Variants in PSME4 observed in about 807,000 individuals in gnomAD.
PSME4 encodes the protein proteasome activator complex subunit 4.
PSME4 carries 89 observed loss-of-function variants against 253.9 expected under a neutral mutation model. The ratio of observed to expected loss-of-function variants is 0.35; its 90% confidence interval spans 0.30 to 0.42. The LOEUF is 0.42. PSME4 is among the 10% of genes least tolerant of loss of function. The pLI is 1.00. For missense variants in PSME4, 2,014 were observed against 2,195.2 expected, an observed-to-expected ratio of 0.92 and a Z score of 1.65; for synonymous variants, 851 against 759.2, an observed-to-expected ratio of 1.12 and a Z score of -1.99.
intron 41 of PSME4, among the ~76,000 whole-genome samples, chr2:53,878,741 T>G (rs1354729266): frequency 6.6e-6 from 1 of 152,200 alleles, no homozygotes; most frequent in Non-Finnish European, 1.5e-5. Context: ...CTAATAAATT[T>G]TGGTCAGACC....
Position 53,887,875 on chromosome 2 carries a change from G to C in PSME4, c.4503C>G (p.Val1501=). 6.3e-7 allele frequency: 1 copy of C among 1,599,482 alleles called. No individual in the cohort carries two copies. Among genetic ancestry groups the C allele is most frequent in the Non-Finnish European group, 8.6e-7 (1 of 1,167,090 alleles). Residue 1501 remains valine (V), a synonymous_variant, in exon 39 of 47, where the codon GTC becomes GTG. Transcript: ENST00000404125. ...EPKLTQVYKN[V]RERIGSVLTY... ...GTACCTACCTTCCTATTCTTTCTCT[G>C]ACATTTTTGTAAACCTGGGTGAGTT...
At chr2:53,906,572 G>A (rs1680668647) in intron 26 of PSME4, 26 bp downstream of exon 26, 3 of 1,511,850 alleles carry the variant, frequency 2.0e-6, no homozygotes, top group Non-Finnish European at 2.7e-6. Context: ...GAGGGCATGA[G>A]AGTGCAGCGT....
In PSME4 at chr2:53,932,695, G is replaced by C. The variant is rs774876691; in HGVS notation, c.1023C>G (p.Tyr341Ter). The C allele has an allele frequency of 2.5e-6, 4 of 1,613,642 alleles. No homozygotes were observed. Among genetic ancestry groups the C allele is most frequent in the Non-Finnish European group, 3.4e-6 (4 of 1,179,666 alleles). ...AGLFNSITSF[Y>*]HPSNNGRWLN... Reference sequence around the variant, plus strand: ...GCCAGCGCCCATTATTTGAAGGATGGTAAAAAGATGTGATGCTGTTAAACA... The same window carrying C: ...GCCAGCGCCCATTATTTGAAGGATGCTAAAAAGATGTGATGCTGTTAAACA... Residue 341 changes from tyrosine to a stop codon, truncating the protein, a stop_gained, in exon 9 of 47, where the codon TAC (tyrosine) becomes TAG (stop). Transcript: ENST00000404125. LOFTEE classifies it high-confidence loss of function.
rs550356967 is a variant in PSME4, at chr2:53,902,673, C to T, written c.3076-1114G>A. Among the ~76,000 whole-genome samples the T allele has an allele frequency of 7.2e-5, 11 of 152,306 alleles. No individual in the cohort carries two copies. In the East Asian group the frequency reaches 1.7e-3, roughly 24 times the overall value. On this transcript the variant is annotated intron_variant, in intron 27 of 46. Coordinates refer to ENST00000404125, the MANE Select transcript of PSME4 (RefSeq NM_014614.3). ...AACACTCTTGAATTATACATCTGCA[C>T]CAGGGGTCAGCAAACATTTTCCATA... is the stretch of plus-strand genomic sequence containing the variant.
intron 1 of PSME4, among the ~76,000 whole-genome samples, chr2:53,950,625 T>A (rs1242388871): frequency 1.3e-5 from 2 of 152,032 alleles, no homozygotes; most frequent in Non-Finnish European, 2.9e-5. Context: ...GTGGATTACC[T>A]GAGGTCAGGA....
rs769144794 is a variant in PSME4, at chr2:53,901,382, T to C, written c.3253A>G (p.Arg1085Gly). The part of the protein sequence containing the change: ...LFDDLAEKIH[R>G]QYETIGLDFT... The stretch of plus-strand genomic sequence containing the variant: ...TCCAAGCCAATTGTTTCATACTGCC[T>C]ATGAATCTTTTCTGCAAGATCATCA... The change falls in exon 28 of 47, where the codon AGG becomes GGG. Residue 1085 changes from arginine to glycine, a missense_variant. Arg to Gly is a moderately radical substitution (Grantham distance 125). Transcript: ENST00000404125. 1.2e-6 allele frequency: 2 copies of C among 1,614,104 alleles called. No individual in the cohort carries two copies. The highest frequency in any genetic ancestry group is 2.2e-5 in the South Asian group (2 of 91,084).
chr2:53,888,125 C>T, intron 38 of PSME4, 136 bp from the exon 39 acceptor site: 1 of 759,060 alleles, frequency 1.3e-6, no homozygotes, highest in Non-Finnish European at 1.9e-6. Context: ...ATATCCACAA[C>T]TCAAAATAGC....
intron 39 of PSME4, 77 bp downstream of exon 39, chr2:53,887,781 G>A: frequency 2.1e-6 from 3 of 1,437,168 alleles, no homozygotes; most frequent in Non-Finnish European, 2.8e-6. Context: ...TAACCAGCAT[G>A]TATTATTACC....
At chr2:53,936,738 G>A (rs1196575081) in intron 6 of PSME4, 26 bp downstream of exon 6, 7 of 1,487,800 alleles carry the variant, frequency 4.7e-6, no homozygotes, top group Non-Finnish European at 5.4e-6. Context: ...CTATAGGGGG[G>A]AAGAAAGGGA....
intron 1 of PSME4, among the ~76,000 whole-genome samples, chr2:53,970,262 G>C (rs1002421455): frequency 5.9e-5 from 9 of 152,196 alleles, no homozygotes; most frequent in African/African-American, 2.2e-4. Context: ...GGGCTACCCA[G>C]GGCCCCCCAG....
rs1159270181 is a variant in PSME4, at chr2:53,865,050, T to C, written c.*528A>G. 1 of 152,606 alleles carries C rather than the reference T, an allele frequency of 6.6e-6. No homozygotes were observed. Among genetic ancestry groups the C allele is most frequent in the African/African-American group, 2.4e-5 (1 of 41,434 alleles). The allele number at this position is 152,606 out of a possible 1,614,324, so 9.5% of individuals were successfully genotyped here. On this transcript the variant is annotated 3_prime_UTR_variant, in exon 47 of 47. Coordinates refer to ENST00000404125, the MANE Select transcript of PSME4 (RefSeq NM_014614.3). ...TTGGTCGAGCAATCCATCAGGTCAT[T>C]GGTTAGGTTCAGGACTTGCCCTCTT...
intron 20 of PSME4, among the ~76,000 whole-genome samples, chr2:53,912,978 A>G (rs1320428572): frequency 6.6e-6 from 1 of 152,218 alleles, no homozygotes; most frequent in East Asian, 1.9e-4. Context: ...TATTCTGACT[A>G]AAAGCTATGT....
chr2:53,868,590 A>G (rs1678718272), intron 44 of PSME4, among the ~76,000 whole-genome samples: 1 of 131,666 alleles, frequency 7.6e-6, no homozygotes, highest in Non-Finnish European at 1.6e-5. Context: ...TATATTTATA[A>G]TATATATATA....
At chr2:53,963,281 A>T (rs1402145029) in intron 1 of PSME4, among the ~76,000 whole-genome samples, 6 of 151,974 alleles carry the variant, frequency 3.9e-5, no homozygotes, top group Admixed American at 2.6e-4. Context: ...GGGGGGTATG[A>T]TTGCACTCCC....
chr2:53,953,675 T>C (rs1284172519), intron 1 of PSME4, among the ~76,000 whole-genome samples: 6 of 151,994 alleles, frequency 3.9e-5, no homozygotes, highest in Non-Finnish European at 1.5e-5. Flanking sequence ...CTTCATTTTT[T>C]AGACTACTCT....
intron 41 of PSME4, among the ~76,000 whole-genome samples, chr2:53,876,651 T>C (rs1035235661): frequency 1.5e-4 from 22 of 151,334 alleles, no homozygotes; most frequent in African/African-American, 5.3e-4. Flanking sequence ...CAAAAGTAGA[T>C]AAGAATTTTT....
chr2:53,866,559 G>T (rs1185830610), intron 45 of PSME4, among the ~76,000 whole-genome samples, 188 bp downstream of exon 45: 3 of 152,168 alleles, frequency 2.0e-5, no homozygotes, highest in Non-Finnish European at 2.9e-5. Flanking sequence ...ACTACCAAAA[G>T]ATCTCAAATA....
chr2:53,910,212 T>G lies in PSME4; in HGVS notation c.2517-82A>C, dbSNP rs543262390. On this transcript the variant is annotated intron_variant, in intron 20 of 46. Transcript: ENST00000404125. Reference sequence around the variant, plus strand: ...GGGAAAAGTTTCATTGCTGGACTGTTTAAACCAAAACAAAGATAATGTTCT... The same window carrying G: ...GGGAAAAGTTTCATTGCTGGACTGTGTAAACCAAAACAAAGATAATGTTCT... 5.4e-6 allele frequency: 6 copies of G among 1,116,520 alleles called. No individual in the cohort carries two copies. The African/African-American group carries it at 9.3e-5, about 17-fold the overall frequency. 69.2% of individuals were successfully genotyped at this position (1,116,520 alleles called of 1,614,324 possible). A position where few individuals can be genotyped will look rare whatever the true frequency, so the allele number is the denominator to read the frequency against.
At chr2:53,896,322 C>G (rs908985735) in intron 32 of PSME4, among the ~76,000 whole-genome samples, 7 of 152,216 alleles carry the variant, frequency 4.6e-5, no homozygotes, top group Middle Eastern at 6.8e-3. Flanking sequence ...TTCTTCTGGA[C>G]TATAATCCAA....
Sources: allele counts gnomAD v4.1 joint callset (sites outside exome capture counted in the v4.1 genomes callset), GRCh38; gene constraint gnomAD v4.1.1; transcripts MANE v1.5; gene names NCBI Gene and HGNC (gene_info 2026-07-23, HGNC 2026-07-21).